Variants in OR56A3 observed in about 807,000 individuals in gnomAD.
The protein encoded by OR56A3 is olfactory receptor family 56 subfamily A member 3.
A neutral mutation model predicts 17.5 loss-of-function variants in OR56A3; 23 were observed. That is an observed-to-expected ratio of 1.32 (90% CI 0.95 to 1.87). The LOEUF (loss-of-function observed/expected upper bound fraction) is 1.87. Among genes scored for constraint, OR56A3 ranks in the 40% most tolerant of loss-of-function variants. The probability of loss-of-function intolerance (pLI) is 0.00; values close to 1 mark genes in which losing one functional copy is unlikely to be tolerated. For synonymous variants in OR56A3, 175 were observed against 150.6 expected (o/e 1.16, Z -1.19); for missense variants, 366 against 380.1 (o/e 0.96, Z 0.31).
chr11:5,999,022 A>G, the OR56A3 span, among the ~76,000 whole-genome samples: 1 of 152,170 alleles, frequency 6.6e-6, no homozygotes, highest in Non-Finnish European at 1.5e-5. Flanking sequence ...GGCTGTCCCT[A>G]CGTGTTTCCG....
chr11:5,961,603 A>T, the OR56A3 span, among the ~76,000 whole-genome samples: 1 of 152,158 alleles, frequency 6.6e-6, no homozygotes, highest in Non-Finnish European at 1.5e-5. Context: ...CAGGGACACA[A>T]ACACTGAGGA....
chr11:5,998,287 T>C, the OR56A3 span, among the ~76,000 whole-genome samples: 3 of 152,146 alleles, frequency 2.0e-5, no homozygotes, highest in Non-Finnish European at 2.9e-5. Context: ...ATGGTTTCAT[T>C]ACACACTACC....
Position 5,947,387 on chromosome 11 carries a change from C to T in OR56A3, c.41C>T (p.Ser14Leu), listed in dbSNP as rs1847876282. 1.2e-6 allele frequency: 2 copies of T among 1,613,188 alleles called. No homozygotes were observed. Among genetic ancestry groups the T allele is most frequent in the South Asian group, 1.1e-5 (1 of 91,000 alleles). Residue 14 changes from serine (S) to leucine (L), a missense_variant, in exon 3 of 3, where the codon TCA becomes TTA. Transcript: ENST00000641160. ...HRNDTLSTEA[S>L]DFLLNCFVRS... Reference sequence around the variant, plus strand: ...AATGACACCCTCTCCACTGAAGCTTCAGACTTCCTCTTGAATTGTTTTGTC... The same window carrying T: ...AATGACACCCTCTCCACTGAAGCTTTAGACTTCCTCTTGAATTGTTTTGTC...
the OR56A3 span, chr11:6,000,545 A>G: frequency 1.3e-5 from 2 of 152,196 alleles, no homozygotes; most frequent in African/African-American, 4.8e-5. Flanking sequence ...GCACGCCAAC[A>G]TGGCACATGT....
the OR56A3 span, among the ~76,000 whole-genome samples, chr11:6,018,026 A>ATG: frequency 6.7e-5 from 10 of 148,830 alleles, no homozygotes; most frequent in South Asian, 8.6e-4. Context: ...TATAACAATT[A>ATG]TGTGTGTGTG....
the OR56A3 span, chr11:6,002,879 G>A: frequency 6.2e-7 from 1 of 1,614,102 alleles, no homozygotes; most frequent in Non-Finnish European, 8.5e-7. Flanking sequence ...TGGCCAGGAG[G>A]AAGAGAAGGC....
At chr11:6,002,381 C>T in the OR56A3 span, 2 of 1,614,160 alleles carry the variant, frequency 1.2e-6, no homozygotes, top group East Asian at 4.5e-5. Flanking sequence ...TCCAGCCTGC[C>T]ACAAACTGGT....
chr11:5,943,994 C>A (rs1847854456), intron 1 of OR56A3, among the ~76,000 whole-genome samples: 1 of 152,078 alleles, frequency 6.6e-6, no homozygotes, highest in African/African-American at 2.4e-5. Flanking sequence ...GGTTTTTGTT[C>A]CACACTTACA....
chr11:5,951,380 T>C (rs904931525), downstream of OR56A3: 4 of 152,132 alleles, frequency 2.6e-5, no homozygotes, highest in African/African-American at 4.8e-5. Context: ...TTGAAACTAT[T>C]TAACTATTTT....
chr11:5,948,326 T>C lies in OR56A3; in HGVS notation c.*32T>C, dbSNP rs1215549192. 1 of 1,439,790 alleles carries C rather than the reference T, an allele frequency of 6.9e-7. No individual in the cohort carries two copies. Among genetic ancestry groups the C allele is most frequent in the Non-Finnish European group, 9.7e-7 (1 of 1,035,164 alleles). 89.2% of individuals were successfully genotyped at this position (1,439,790 alleles called of 1,614,324 possible). A position where few individuals can be genotyped will look rare whatever the true frequency, so the allele number is the denominator to read the frequency against. On this transcript the variant is annotated 3_prime_UTR_variant, in exon 3 of 3. Transcript: ENST00000641160. Reference sequence around the variant, plus strand: ...CCACTGGATCTCTGAATATCTAAAATAAGATAATTTATTAATCACTTAATG... The same window carrying C: ...CCACTGGATCTCTGAATATCTAAAACAAGATAATTTATTAATCACTTAATG...
the OR56A3 span, among the ~76,000 whole-genome samples, chr11:5,989,685 T>C: frequency 3.3e-5 from 5 of 152,342 alleles, 1 homozygote; most frequent in Middle Eastern, 6.8e-3. Flanking sequence ...CAATGTACAC[T>C]ATTCAGATAA....
At chr11:5,990,292 T>C in the OR56A3 span, among the ~76,000 whole-genome samples, 1 of 152,158 alleles carries the variant, frequency 6.6e-6, no homozygotes, top group African/African-American at 2.4e-5. Flanking sequence ...CACAGGAAGG[T>C]GATAAGGCAG....
At chr11:5,960,015 A>G in the OR56A3 span, among the ~76,000 whole-genome samples, 2 of 152,178 alleles carry the variant, frequency 1.3e-5, no homozygotes, top group African/African-American at 4.8e-5. Context: ...ATTCTGCTCC[A>G]GTGGTCTATA....
chr11:5,993,984 G>A, the OR56A3 span: 1 of 448,382 alleles, frequency 2.2e-6, no homozygotes, highest in Non-Finnish European at 4.4e-6. Flanking sequence ...GCTGTCCAAG[G>A]CAACAACCAA....
the OR56A3 span, among the ~76,000 whole-genome samples, chr11:6,009,672 T>G: frequency 6.6e-6 from 1 of 152,220 alleles, no homozygotes; most frequent in Non-Finnish European, 1.5e-5. Context: ...GTACTATTTA[T>G]CCGGCTCTAT....
chr11:5,968,217 C>G, the OR56A3 span: 1 of 1,614,144 alleles, frequency 6.2e-7, no homozygotes, highest in Non-Finnish European at 8.5e-7. Flanking sequence ...GCTGATTGAT[C>G]TGAGGTCAAA....
chr11:5,961,807 T>A, the OR56A3 span, among the ~76,000 whole-genome samples: 1 of 151,166 alleles, frequency 6.6e-6, no homozygotes, highest in African/African-American at 2.4e-5. Context: ...TAACTTTGGG[T>A]GGTATGGACA....
chr11:6,010,322 C>T, the OR56A3 span, among the ~76,000 whole-genome samples: 1 of 152,112 alleles, frequency 6.6e-6, no homozygotes, highest in South Asian at 2.1e-4. Flanking sequence ...AAATACACTG[C>T]TATGGTTTGA....
At chr11:5,987,369 T>G in the OR56A3 span, among the ~76,000 whole-genome samples, 215 of 152,328 alleles carry the variant, frequency 1.4e-3, no homozygotes, top group Non-Finnish European at 2.6e-3. Context: ...TGTCATTGAT[T>G]CCAGGGATCC....
Sources: allele counts gnomAD v4.1 joint callset (sites outside exome capture counted in the v4.1 genomes callset), GRCh38; gene constraint gnomAD v4.1.1; transcripts MANE v1.5; gene names NCBI Gene and HGNC (gene_info 2026-07-23, HGNC 2026-07-21).